Variants in ANLN observed in about 807,000 individuals in gnomAD.
The protein encoded by ANLN is anillin, actin binding protein, also known as anillin.
A neutral mutation model predicts 135.1 loss-of-function variants in ANLN; 59 were observed. The ratio of observed to expected loss-of-function variants is 0.44; its 90% CI spans 0.35 to 0.54. The LOEUF (loss-of-function observed/expected upper bound fraction) is 0.54. Ranked by LOEUF, ANLN falls within the 20% of genes least tolerant of loss-of-function variation. The pLI, the probability that ANLN is intolerant of heterozygous loss-of-function variation, is 0.00. For synonymous variants in ANLN, 406 were observed against 456.4 expected, an observed-to-expected ratio of 0.89 and a Z score of 1.41; for missense variants, 1,182 against 1,340.0, an observed-to-expected ratio of 0.88 and a Z score of 1.84.
chr7:36,417,537 A>G (rs765489219), intron 9 of ANLN, among the ~76,000 whole-genome samples: 24 of 152,098 alleles, frequency 1.6e-4, no homozygotes, highest in Admixed American at 5.9e-4. Flanking sequence ...TTTTGTGACC[A>G]GTTCAATTCA....
intron 22 of ANLN, among the ~76,000 whole-genome samples, chr7:36,447,374 A>T (rs544485033): frequency 6.8e-6 from 1 of 147,172 alleles, no homozygotes; most frequent in South Asian, 2.2e-4. Flanking sequence ...TAAGTCAGAT[A>T]GGGGCTACTT....
At chr7:36,424,444 A>T in intron 15 of ANLN, 101 bp from the exon 16 acceptor site, 1 of 934,376 alleles carries the variant, frequency 1.1e-6, no homozygotes, top group Non-Finnish European at 1.6e-6. Context: ...GTCATAGTGG[A>T]TTCCTTTACT....
intron 20 of ANLN, among the ~76,000 whole-genome samples, chr7:36,435,612 G>A (rs1253314349): frequency 6.6e-6 from 1 of 151,924 alleles, no homozygotes; most frequent in Non-Finnish European, 1.5e-5. Flanking sequence ...GGTGGCTCAC[G>A]CCTGTAATCC....
Position 36,400,256 on chromosome 7 carries a change from C to A in ANLN, c.487+863C>A, listed in dbSNP as rs115041300. Among the ~76,000 whole-genome samples the A allele has an allele frequency of 2.4e-3, 369 of 152,334 alleles. 2 individuals carry two copies. Among genetic ancestry groups the A allele is most frequent in the African/African-American group, 8.7e-3 (360 of 41,580 alleles). ...TGGCAGTAAGAGCTGAGAGAACTTTCTTTCATGTGTCCTTAAATATGACTT... is the reference window on the plus strand; with the variant it reads ...TGGCAGTAAGAGCTGAGAGAACTTTATTTCATGTGTCCTTAAATATGACTT... On this transcript the variant is annotated intron_variant, in intron 3 of 23. Coordinates refer to ENST00000265748, the MANE Select transcript of ANLN (RefSeq NM_018685.5).
chr7:36,397,648 C>G (rs1029038270), intron 2 of ANLN, among the ~76,000 whole-genome samples: 19 of 152,204 alleles, frequency 1.2e-4, no homozygotes, highest in African/African-American at 4.3e-4. Context: ...TGTAGTGGCT[C>G]ACGCCTGTAA....
chr7:36,423,965 T>G, intron 15 of ANLN, 22 bp downstream of exon 15: 2 of 1,598,640 alleles, frequency 1.3e-6, no homozygotes, highest in Non-Finnish European at 1.7e-6. Context: ...AGGCTTTTGA[T>G]GATTCGAATG....
At chr7:36,409,446 A>G (rs1297405070) in intron 5 of ANLN, among the ~76,000 whole-genome samples, 2 of 152,192 alleles carry the variant, frequency 1.3e-5, no homozygotes, top group Admixed American at 1.3e-4. Context: ...AATGCAGAGC[A>G]GAATAGTTGT....
At chr7:36,442,489 C>A (rs1202466573) in intron 21 of ANLN, among the ~76,000 whole-genome samples, 1 of 152,128 alleles carries the variant, frequency 6.6e-6, no homozygotes, top group Non-Finnish European at 1.5e-5. Context: ...GACCGTATGG[C>A]CCAAAGTCTA....
intron 22 of ANLN, among the ~76,000 whole-genome samples, chr7:36,444,960 CA>C (rs1245395201): frequency 3.3e-5 from 5 of 151,768 alleles, no homozygotes; most frequent in Admixed American, 3.3e-4. Flanking sequence ...TTGAGACATC[CA>C]AAAGGGCGTA....
chr7:36,414,391 G>A (rs1042781969), intron 7 of ANLN, among the ~76,000 whole-genome samples: 7 of 152,156 alleles, frequency 4.6e-5, no homozygotes, highest in Non-Finnish European at 7.4e-5. Context: ...GATGAACTCC[G>A]CACAGTGAAG....
chr7:36,431,816 T>G (rs1788343490), intron 20 of ANLN, among the ~76,000 whole-genome samples: 1 of 151,722 alleles, frequency 6.6e-6, no homozygotes, highest in African/African-American at 2.4e-5. Context: ...GGAGTTAGCC[T>G]ATCCCTTCTG....
Position 36,421,888 on chromosome 7 carries a change from C to G in ANLN, c.2195C>G (p.Thr732Arg). The change falls in exon 13 of 24, where the codon ACA becomes AGA. Residue 732 changes from threonine (T) to arginine (R), a missense_variant. Thr to Arg is a moderately conservative substitution (Grantham distance 71). Transcript: ENST00000265748. ...ELNNEINMQQ[T>R]VIYQASQALN... is the part of the protein sequence containing the mutation. ...AATAACGAAATAAATATGCAACAGACAGTGATCTATCAAGCTAGCCAGGCT... is the reference window on the plus strand; with the variant it reads ...AATAACGAAATAAATATGCAACAGAGAGTGATCTATCAAGCTAGCCAGGCT... 1 of 1,612,910 alleles carries G rather than the reference C, an allele frequency of 6.2e-7. No individual in the cohort carries two copies. The highest frequency in any genetic ancestry group is 8.5e-7 in the Non-Finnish European group (1 of 1,179,406).
intron 1 of ANLN, among the ~76,000 whole-genome samples, chr7:36,395,486 A>G (rs1291957512): frequency 6.6e-6 from 1 of 152,162 alleles, no homozygotes; most frequent in Non-Finnish European, 1.5e-5. Context: ...TGACCAGATA[A>G]TTCAGGATTA....
chr7:36,430,460 A>C (rs1448455710), intron 20 of ANLN, among the ~76,000 whole-genome samples: 1 of 152,210 alleles, frequency 6.6e-6, no homozygotes, highest in Non-Finnish European at 1.5e-5. Flanking sequence ...TCAGACTTTC[A>C]AACCCTTTCT....
chr7:36,408,215 T>C (rs1043292531), intron 5 of ANLN, among the ~76,000 whole-genome samples: 4 of 152,166 alleles, frequency 2.6e-5, no homozygotes, highest in Non-Finnish European at 2.9e-5. Flanking sequence ...TGCTAGATTT[T>C]TTTTCTATAT....
intron 1 of ANLN, among the ~76,000 whole-genome samples, chr7:36,394,456 C>T (rs1244916261): frequency 3.3e-5 from 5 of 152,038 alleles, no homozygotes; most frequent in Non-Finnish European, 7.3e-5. Flanking sequence ...AATTATCGGA[C>T]ATATATGGAT....
intron 20 of ANLN, 97 bp from the exon 21 acceptor site, chr7:36,439,107 A>C (rs947746534): frequency 2.6e-6 from 2 of 771,530 alleles, no homozygotes; most frequent in African/African-American, 3.5e-5. Context: ...TCTGTTTTCA[A>C]GTTGTAATAG....
At chr7:36,439,676 A>ATTC (rs1788686875) in intron 21 of ANLN, among the ~76,000 whole-genome samples, 1 of 152,260 alleles carries the variant, frequency 6.6e-6, no homozygotes, top group Non-Finnish European at 1.5e-5. Context: ...GAGAAAGATG[A>ATTC]GAAGTGCTCC....
chr7:36,419,246 G>A lies in ANLN; in HGVS notation c.1636G>A (p.Val546Met). Residue 546 changes from valine to methionine, a missense_variant and splice_region_variant, in exon 10 of 24, where the codon GTG becomes ATG. Physicochemically the swap from Val to Met is conservative, Grantham distance 21. Coordinates refer to ENST00000265748, the MANE Select transcript of ANLN (RefSeq NM_018685.5). ...CCACCTATTGAAATATTTTTCAGAA[G>A]TGATACGTGAAATTGAGATGAGTGT... ...SDPKVEQKIE[V>M]IREIEMSVDD... is the part of the protein sequence containing the mutation. 1 of 1,609,922 alleles carries A rather than the reference G, an allele frequency of 6.2e-7. No individual in the cohort carries two copies. Among genetic ancestry groups the A allele is most frequent in the African/African-American group, 1.3e-5 (1 of 74,870 alleles).
Sources: gnomAD v4.1 joint callset for allele counts (sites outside exome capture counted in the v4.1 genomes callset) on GRCh38, gnomAD v4.1.1 for gene constraint, MANE v1.5 for transcripts, NCBI Gene and HGNC (gene_info 2026-07-23, HGNC 2026-07-21) for gene names.